The following NT5C1A variants were observed in gnomAD, a reference collection of about 807,000 sequenced individuals.
The protein encoded by NT5C1A is 5'-nucleotidase, cytosolic IA.
A neutral mutation model predicts 31.0 loss-of-function variants in NT5C1A; 18 were observed. That is an observed-to-expected ratio of 0.58 (90% CI 0.40 to 0.86). NT5C1A has a LOEUF of 0.86. Ranked by LOEUF, NT5C1A falls within the 40% of genes least tolerant of loss-of-function variation. NT5C1A has a pLI of 0.00. For missense variants in NT5C1A, 470 were observed against 505.4 expected, an observed-to-expected ratio of 0.93 and a Z score of 0.67; for synonymous variants, 185 against 203.6, an observed-to-expected ratio of 0.91 and a Z score of 0.78.
At position 39,654,254 on chromosome 1, in the gene NT5C1A, G is replaced by A. The variant is rs1646448810; in HGVS notation, c.*4867C>T. Among the ~76,000 whole-genome samples, 1 of 152,216 alleles carries A rather than the reference G, an allele frequency of 6.6e-6. No homozygotes were observed. The highest frequency in any genetic ancestry group is 6.5e-5 in the Admixed American group (1 of 15,290). On this transcript the variant is annotated 3_prime_UTR_variant, in exon 6 of 6. Transcript: ENST00000235628. ...AACTGCCATTCCAGCTGTTACAGGAGTTTTCTCTCTCACTTGATCAGTAAC... is the reference window on the plus strand; with the variant it reads ...AACTGCCATTCCAGCTGTTACAGGAATTTTCTCTCTCACTTGATCAGTAAC...
At position 39,666,247 on chromosome 1, in the gene NT5C1A, A is replaced by G; in HGVS notation, c.136-11T>C. On this transcript the variant is annotated splice_polypyrimidine_tract_variant and intron_variant, in intron 1 of 5. Coordinates refer to ENST00000235628, the MANE Select transcript of NT5C1A (RefSeq NM_032526.3). The stretch of plus-strand genomic sequence containing the variant: ...ATTCTGAGGCTTGGGCTGCAGAGGT[A>G]TGGGAGAAGGGGTTGTCACTCAGAT... The G allele has an allele frequency of 6.2e-7, 1 of 1,612,288 alleles. No homozygotes were observed. Among genetic ancestry groups the G allele is most frequent in the Non-Finnish European group, 8.5e-7 (1 of 1,179,276 alleles).
Position 39,663,292 on chromosome 1 carries a change from T to C in NT5C1A, c.556+20A>G, listed in dbSNP as rs202135086. On this transcript the variant is annotated intron_variant, in intron 4 of 5. Transcript: ENST00000235628. ...CCCTTTGCTGCACTCCCCATATTCT[T>C]CCTCTTCACTTAGACTTACCCTCAT... is the stretch of plus-strand genomic sequence containing the variant. 6.2e-7 allele frequency: 1 copy of C among 1,614,056 alleles called. No homozygotes were observed. The highest frequency in any genetic ancestry group is 8.5e-7 in the Non-Finnish European group (1 of 1,179,964).
rs1431712935 is a variant in NT5C1A at position 39,658,309 on chromosome 1, C to T, written c.*812G>A. On this transcript the variant is annotated 3_prime_UTR_variant, in exon 6 of 6. Transcript: ENST00000235628. ...GATGACCATTCAGGTTAGAGAATCA[C>T]ATGAGCAGATAGGTCATCTTGTCCA... 6.6e-6 allele frequency among the ~76,000 whole-genome samples: 1 copy of T among 152,208 alleles called. No homozygotes were observed. The highest frequency in any genetic ancestry group is 1.5e-5 in the Non-Finnish European group (1 of 68,046).
rs1269671776 is a variant in NT5C1A at position 39,657,461 on chromosome 1, CT to C, written c.*1659del. Among the ~76,000 whole-genome samples, 2 of 152,192 alleles carry C rather than the reference CT, an allele frequency of 1.3e-5. No individual in the cohort carries two copies. Among genetic ancestry groups the C allele is most frequent in the Admixed American group, 1.3e-4 (2 of 15,282 alleles). On this transcript the variant is annotated 3_prime_UTR_variant, in exon 6 of 6. Coordinates refer to ENST00000235628, the MANE Select transcript of NT5C1A (RefSeq NM_032526.3). ...CCAGGCTTCTGCCCCTCTCATGATA[CT>C]TTTGGTTTTCTTTACAAAGTGCTTG...
chr1:39,667,032 C>G (rs190987123), intron 1 of NT5C1A, among the ~76,000 whole-genome samples: 61 of 152,284 alleles, frequency 4.0e-4, no homozygotes, highest in African/African-American at 1.3e-3. Context: ...CCACAGCCCC[C>G]CTCTTTAGTG....
intron 5 of NT5C1A, among the ~76,000 whole-genome samples, 192 bp downstream of exon 5, chr1:39,660,887 G>A (rs1406809134): frequency 1.3e-5 from 2 of 152,108 alleles, no homozygotes; most frequent in African/African-American, 4.8e-5. Flanking sequence ...TCAGTGAGGG[G>A]ATGTGGGCTC....
Position 39,671,987 on chromosome 1 carries a change from C to G in NT5C1A, c.52G>C (p.Gly18Arg). The change falls in exon 1 of 6, where the codon GGA (glycine) becomes CGA (arginine). Residue 18 changes from glycine to arginine, a missense_variant. Physicochemically the swap from Gly to Arg is moderately radical, Grantham distance 125. Transcript: ENST00000235628. ...ACCGGGGCCGCAGCGGTCTCCGCTC[C>G]TGGCCCGGGCTCGCGGGGCTCCTGG... The part of the protein sequence containing the change: ...EPQEPREPGP[G>R]AETAAAPVWE... The G allele has an allele frequency of 1.2e-6, 2 of 1,610,418 alleles. No individual in the cohort carries two copies. Among genetic ancestry groups the G allele is most frequent in the South Asian group, 2.2e-5 (2 of 91,078 alleles).
chr1:39,651,953 C>A lies in NT5C1A; in HGVS notation c.*7168G>T, dbSNP rs1200340986. The stretch of plus-strand genomic sequence containing the variant: ...AGCTGAGGCAGGAGAATTGCTTGAC[C>A]CCAGGAGGCGGAGGTTGCAGTGAGC... On this transcript the variant is annotated 3_prime_UTR_variant, in exon 6 of 6. Coordinates refer to ENST00000235628, the MANE Select transcript of NT5C1A (RefSeq NM_032526.3). 2.2e-5 allele frequency among the ~76,000 whole-genome samples: 3 copies of A among 137,444 alleles called. No homozygotes were observed. The highest frequency in any genetic ancestry group is 5.5e-5 in the African/African-American group (2 of 36,434). 90.2% of individuals were successfully genotyped at this position (137,444 alleles called of 152,430 possible).
intron 5 of NT5C1A, 71 bp downstream of exon 5, chr1:39,661,008 G>A: frequency 1.2e-6 from 1 of 853,068 alleles, no homozygotes; most frequent in Non-Finnish European, 1.9e-6. Context: ...TCCAGGCTGG[G>A]AGTGCAGGCC....
rs1033910163 is a variant in NT5C1A at position 39,663,405 on chromosome 1, C to A, written c.463G>T (p.Gly155Cys). Residue 155 changes from glycine to cysteine, a missense_variant, in exon 4 of 6, where the codon GGT becomes TGT. Gly to Cys is a radical substitution (Grantham distance 159, BLOSUM62 -3). Coordinates refer to ENST00000235628, the MANE Select transcript of NT5C1A (RefSeq NM_032526.3). The part of the protein sequence containing the change: ...DLFIERFCMT[G>C]GNSPICYLKA... ...AGGTAGCAGATCGGGCTGTTCCCAC[C>A]TGTCATGCAGAACCTCTCGATGAAC... 1 of 1,613,990 alleles carries A rather than the reference C, an allele frequency of 6.2e-7. No individual in the cohort carries two copies. The highest frequency in any genetic ancestry group is 1.3e-5 in the African/African-American group (1 of 74,892).
chr1:39,665,420 C>A (rs2124159040), intron 3 of NT5C1A, 101 bp downstream of exon 3: 2 of 1,171,410 alleles, frequency 1.7e-6, no homozygotes, highest in East Asian at 5.8e-5. Flanking sequence ...ACTTGGGGTT[C>A]TGGTCAGTAC....
chr1:39,664,348 G>A (rs557016085), intron 3 of NT5C1A, among the ~76,000 whole-genome samples: 5 of 148,402 alleles, frequency 3.4e-5, no homozygotes, highest in African/African-American at 1.0e-4. Flanking sequence ...TAGAGACGCC[G>A]TTTCACGGTG....
At chr1:39,667,600 TG>T (rs1646530208) in intron 1 of NT5C1A, among the ~76,000 whole-genome samples, 1 of 152,210 alleles carries the variant, frequency 6.6e-6, no homozygotes. Flanking sequence ...TTCTTCTTCC[TG>T]GGGTCAGTCC....
chr1:39,672,098 G>A lies in NT5C1A; in HGVS notation c.-60C>T, dbSNP rs1357110426. Reference sequence around the variant, plus strand: ...GGCGGCGTAGACGCGGAGGTGGCTGGGGCTGGGCTGCAGGAGGGAGGCGAG... The same window carrying A: ...GGCGGCGTAGACGCGGAGGTGGCTGAGGCTGGGCTGCAGGAGGGAGGCGAG... On this transcript the variant is annotated 5_prime_UTR_variant, in exon 1 of 6. Coordinates refer to ENST00000235628, the MANE Select transcript of NT5C1A (RefSeq NM_032526.3). The A allele has an allele frequency of 3.3e-5, 43 of 1,284,544 alleles. No individual in the cohort carries two copies. Among genetic ancestry groups the A allele is most frequent in the Non-Finnish European group, 2.4e-5 (23 of 964,014 alleles). 79.6% of individuals were successfully genotyped at this position (1,284,544 alleles called of 1,614,324 possible).
At chr1:39,667,773 G>A (rs1646531192) in intron 1 of NT5C1A, among the ~76,000 whole-genome samples, 1 of 152,218 alleles carries the variant, frequency 6.6e-6, no homozygotes, top group Non-Finnish European at 1.5e-5. Flanking sequence ...ATGTCCAATG[G>A]AACTTTCTAT....
At position 39,666,032 on chromosome 1, in the gene NT5C1A, G is replaced by A. The variant is rs770361088; in HGVS notation, c.303+37C>T. 9.4e-6 allele frequency: 15 copies of A among 1,588,738 alleles called. No individual in the cohort carries two copies. The East Asian group carries it at 3.1e-4, about 33-fold the overall frequency. On this transcript the variant is annotated intron_variant, in intron 2 of 5. Coordinates refer to ENST00000235628, the MANE Select transcript of NT5C1A (RefSeq NM_032526.3). Reference sequence around the variant, plus strand: ...AGTGCTTTTTTCTAATCCCCACGAAGGCGCTATATGAGCTAGTGGTGGAAC... The same window carrying A: ...AGTGCTTTTTTCTAATCCCCACGAAAGCGCTATATGAGCTAGTGGTGGAAC...
At chr1:39,666,671 C>A (rs988688576) in intron 1 of NT5C1A, among the ~76,000 whole-genome samples, 5 of 152,090 alleles carry the variant, frequency 3.3e-5, no homozygotes, top group Non-Finnish European at 5.9e-5. Context: ...TATCTGCAAC[C>A]CAGATCTGTC....
chr1:39,662,114 C>T (rs897849668), intron 4 of NT5C1A, among the ~76,000 whole-genome samples: 3 of 152,336 alleles, frequency 2.0e-5, no homozygotes, highest in African/African-American at 7.2e-5. Flanking sequence ...ACCTGGGCAA[C>T]TGGCCGAGCT....
At chr1:39,664,642 G>A (rs868249436) in intron 3 of NT5C1A, among the ~76,000 whole-genome samples, 15 of 146,322 alleles carry the variant, frequency 1.0e-4, no homozygotes, top group East Asian at 4.1e-4. Context: ...ACAGGTGTGC[G>A]CCACCACACC....
Sources: allele counts gnomAD v4.1 joint callset (sites outside exome capture counted in the v4.1 genomes callset), GRCh38; gene constraint gnomAD v4.1.1; transcripts MANE v1.5; gene names NCBI Gene and HGNC (gene_info 2026-07-23, HGNC 2026-07-21).